The following CD2AP variants were observed in gnomAD, a reference collection of about 807,000 sequenced individuals.
CD2AP encodes the protein CD2-associated protein.
Under a neutral mutation model 85.1 loss-of-function variants are expected in CD2AP, and 46 were observed. That is an observed-to-expected ratio of 0.54 (90% CI 0.43 to 0.69). The LOEUF (loss-of-function observed/expected upper bound fraction) is 0.69. Ranked by LOEUF, CD2AP falls within the 30% of genes least tolerant of loss-of-function variation. CD2AP has a pLI of 0.00. For synonymous variants in CD2AP, 255 were observed against 252.9 expected (o/e 1.01, Z -0.08); for missense variants, 769 against 729.5 (o/e 1.05, Z -0.62).
intron 11 of CD2AP, among the ~76,000 whole-genome samples, chr6:47,595,593 A>G (rs1487227709): frequency 6.6e-6 from 1 of 152,110 alleles, no homozygotes; most frequent in East Asian, 1.9e-4. Context: ...TCCTGGGAAC[A>G]TAATAAAAAG....
At chr6:47,561,474 T>G in intron 5 of CD2AP, among the ~76,000 whole-genome samples, 1 of 146,908 alleles carries the variant, frequency 6.8e-6, no homozygotes, top group East Asian at 2.0e-4. Context: ...AAGGCAAACT[T>G]TTTTTTTTTT....
intron 13 of CD2AP, among the ~76,000 whole-genome samples, chr6:47,601,605 CA>C (rs1302444896): frequency 6.6e-6 from 1 of 151,958 alleles, no homozygotes; most frequent in Non-Finnish European, 1.5e-5. Context: ...AGCATTAATT[CA>C]GAGATTCCTG....
chr6:47,550,821 A>T (rs1309460577), intron 4 of CD2AP, among the ~76,000 whole-genome samples: 1 of 152,214 alleles, frequency 6.6e-6, no homozygotes. Context: ...AAACCGTGGT[A>T]TGTATATATG....
At chr6:47,559,310 T>C (rs941172720) in intron 5 of CD2AP, among the ~76,000 whole-genome samples, 2 of 151,590 alleles carry the variant, frequency 1.3e-5, no homozygotes, top group Non-Finnish European at 2.9e-5. Context: ...CCGAGCCTGG[T>C]GTGCAGTAGC....
At chr6:47,622,890 A>G (rs1232588608) in intron 17 of CD2AP, among the ~76,000 whole-genome samples, 1 of 152,206 alleles carries the variant, frequency 6.6e-6, no homozygotes, top group African/African-American at 2.4e-5. Context: ...AACTAAATGT[A>G]TGTCACAAAT....
chr6:47,525,273 T>C (rs1193891897), intron 2 of CD2AP, among the ~76,000 whole-genome samples: 1 of 152,138 alleles, frequency 6.6e-6, no homozygotes, highest in East Asian at 1.9e-4. Context: ...ATTGTCTGAT[T>C]ATGCTTCTGT....
At chr6:47,503,576 A>G in intron 2 of CD2AP, 136 bp downstream of exon 2, 2 of 769,716 alleles carry the variant, frequency 2.6e-6, no homozygotes, top group East Asian at 2.7e-5. Flanking sequence ...AATAGAGTCC[A>G]GGTACCTCTA....
intron 2 of CD2AP, among the ~76,000 whole-genome samples, chr6:47,511,983 C>T (rs1409359258): frequency 6.6e-6 from 1 of 152,028 alleles, no homozygotes; most frequent in African/African-American, 2.4e-5. Flanking sequence ...ACGGAGAAAC[C>T]CCGTCTCTAC....
intron 5 of CD2AP, chr6:47,563,082 A>T (rs1034649956): frequency 4.2e-6 from 1 of 240,830 alleles, no homozygotes; most frequent in African/African-American, 2.2e-5. Context: ...GAACTCTGCT[A>T]TAATTTTTAG....
chr6:47,587,930 C>T (rs1402985363), intron 11 of CD2AP, among the ~76,000 whole-genome samples: 1 of 152,194 alleles, frequency 6.6e-6, no homozygotes, highest in East Asian at 1.9e-4. Context: ...GGAGCATTTC[C>T]TTCTGAATTC....
At chr6:47,619,783 C>T (rs542229554) in intron 17 of CD2AP, among the ~76,000 whole-genome samples, 14 of 152,216 alleles carry the variant, frequency 9.2e-5, no homozygotes, top group Non-Finnish European at 1.6e-4. Flanking sequence ...AAGGTGGTAT[C>T]GGATTGTGGT....
intron 2 of CD2AP, among the ~76,000 whole-genome samples, chr6:47,530,674 T>C (rs1766851136): frequency 6.6e-6 from 1 of 152,230 alleles, no homozygotes; most frequent in African/African-American, 2.4e-5. Flanking sequence ...TACAGTACTG[T>C]GAGAACAAAA....
At chr6:47,566,773 G>A (rs528150570) in intron 5 of CD2AP, among the ~76,000 whole-genome samples, 1 of 152,266 alleles carries the variant, frequency 6.6e-6, no homozygotes, top group South Asian at 2.1e-4. Context: ...CGTCATCCAT[G>A]TCCCTGCAGA....
intron 4 of CD2AP, among the ~76,000 whole-genome samples, chr6:47,552,173 T>G (rs998432462): frequency 6.6e-6 from 1 of 151,712 alleles, no homozygotes; most frequent in South Asian, 2.1e-4. Context: ...AATAGGTGTT[T>G]GGGGAACAGG....
At chr6:47,502,083 A>G (rs1322525943) in intron 1 of CD2AP, among the ~76,000 whole-genome samples, 1 of 152,090 alleles carries the variant, frequency 6.6e-6, no homozygotes, top group Admixed American at 6.6e-5. Context: ...TTCCAAGCTC[A>G]TGTGTTAGTT....
intron 5 of CD2AP, among the ~76,000 whole-genome samples, chr6:47,570,030 A>G (rs1768107567): frequency 6.6e-6 from 1 of 152,126 alleles, no homozygotes; most frequent in Non-Finnish European, 1.5e-5. Flanking sequence ...AAACACCCGC[A>G]CCCACACCTG....
At chr6:47,604,654 C>G (rs912794492) in intron 13 of CD2AP, among the ~76,000 whole-genome samples, 1 of 151,950 alleles carries the variant, frequency 6.6e-6, no homozygotes, top group African/African-American at 2.4e-5. Flanking sequence ...ATTTTAACAT[C>G]TTTTAAAAAT....
chr6:47,535,945 T>G (rs971146782), intron 3 of CD2AP, among the ~76,000 whole-genome samples: 1 of 152,326 alleles, frequency 6.6e-6, no homozygotes, highest in Admixed American at 6.5e-5. Context: ...TTTTTTCACT[T>G]TCTCTTCTAA....
chr6:47,585,013 G>A (rs1768582200), intron 11 of CD2AP, among the ~76,000 whole-genome samples: 1 of 152,046 alleles, frequency 6.6e-6, no homozygotes, highest in South Asian at 2.1e-4. Flanking sequence ...TAAATTGGAG[G>A]CCGGGCGCGG....
Sources: allele counts gnomAD v4.1 joint callset (sites outside exome capture counted in the v4.1 genomes callset), GRCh38; gene constraint gnomAD v4.1.1; transcripts MANE v1.5; gene names NCBI Gene and HGNC (gene_info 2026-07-23, HGNC 2026-07-21).